Variants in NIPBL observed in about 807,000 individuals in gnomAD.
The protein encoded by NIPBL is nipped-B-like protein.
Under a neutral mutation model 321.8 loss-of-function variants are expected in NIPBL, and 19 were observed. The ratio of observed to expected loss-of-function variants is 0.06; its 90% CI spans 0.04 to 0.09. The LOEUF is 0.09. Ranked by LOEUF, NIPBL falls within the 10% of genes least tolerant of loss-of-function variation. The probability of loss-of-function intolerance (pLI) is 1.00; values close to 1 mark genes in which losing one functional copy is unlikely to be tolerated. For missense variants in NIPBL, 2,210 were observed against 3,327.0 expected, an observed-to-expected ratio of 0.66 and a Z score of 8.26; for synonymous variants, 1,106 against 1,114.1, an observed-to-expected ratio of 0.99 and a Z score of 0.14.
intron 6 of NIPBL, among the ~76,000 whole-genome samples, chr5:36,966,267 G>A (rs2149612854): frequency 6.6e-6 from 1 of 151,868 alleles, no homozygotes; most frequent in Non-Finnish European, 1.5e-5. Context: ...ACTAATTTTT[G>A]GTTTTTGAAG....
intron 10 of NIPBL, among the ~76,000 whole-genome samples, chr5:36,988,692 TTGA>T (rs1190570221): frequency 6.6e-6 from 1 of 152,092 alleles, no homozygotes; most frequent in African/African-American, 2.4e-5. Context: ...TTTTGATGTG[TTGA>T]TGATTTTCTG....
chr5:36,941,796 A>T (rs544966656), intron 1 of NIPBL, among the ~76,000 whole-genome samples: 1 of 152,272 alleles, frequency 6.6e-6, no homozygotes, highest in South Asian at 2.1e-4. Context: ...TTCTAATGAA[A>T]AATTGATATT....
intron 6 of NIPBL, among the ~76,000 whole-genome samples, chr5:36,969,122 G>T (rs1318107657): frequency 1.3e-5 from 2 of 152,130 alleles, no homozygotes; most frequent in African/African-American, 4.8e-5. Flanking sequence ...AAAGACTTTT[G>T]TGGAGCAAAT....
chr5:36,925,191 A>G (rs984913506), intron 1 of NIPBL, among the ~76,000 whole-genome samples: 1 of 152,116 alleles, frequency 6.6e-6, no homozygotes, highest in East Asian at 1.9e-4. Flanking sequence ...AATACTTTAA[A>G]ACACTCTTTT....
At chr5:36,962,041 G>A (rs1741685103) in intron 5 of NIPBL, 82 bp from the exon 6 acceptor site, 1 of 1,473,090 alleles carries the variant, frequency 6.8e-7, no homozygotes, top group East Asian at 2.3e-5. Flanking sequence ...AGAGATCAGA[G>A]GACTTTGTGA....
chr5:36,940,571 C>T (rs750693633), intron 1 of NIPBL, among the ~76,000 whole-genome samples: 6 of 152,144 alleles, frequency 3.9e-5, no homozygotes, highest in Non-Finnish European at 7.4e-5. Flanking sequence ...TATGAGATTT[C>T]CTTAATGAGA....
intron 1 of NIPBL, among the ~76,000 whole-genome samples, chr5:36,898,370 G>C (rs536577368): frequency 1.3e-5 from 2 of 152,114 alleles, no homozygotes; most frequent in East Asian, 3.9e-4. Flanking sequence ...TCTTATTCAT[G>C]GTCATATTTA....
chr5:36,921,892 G>GT (rs57962323), intron 1 of NIPBL, among the ~76,000 whole-genome samples: 25,259 of 141,788 alleles, frequency 0.18, 2,535 homozygotes, highest in African/African-American at 0.28. Flanking sequence ...GGTTTTTTTT[G>GT]TTTTTTTTTT....
At chr5:37,041,363 A>G (rs1752346873) in intron 34 of NIPBL, among the ~76,000 whole-genome samples, 1 of 142,240 alleles carries the variant, frequency 7.0e-6, no homozygotes, top group Admixed American at 7.7e-5. Flanking sequence ...TCCTGGCTTC[A>G]AGCGATTCTC....
At chr5:36,895,473 G>A (rs1174066816) in intron 1 of NIPBL, among the ~76,000 whole-genome samples, 4 of 152,172 alleles carry the variant, frequency 2.6e-5, no homozygotes, top group Non-Finnish European at 5.9e-5. Flanking sequence ...CTTCTCCTGA[G>A]TAGGTACAAA....
rs886060559 is a variant in NIPBL at position 37,057,284 on chromosome 5, C to T, written c.7362C>T (p.Asp2454=). 6.2e-6 allele frequency: 10 copies of T among 1,613,600 alleles called. No individual in the cohort carries two copies. Among genetic ancestry groups the T allele is most frequent in the African/African-American group, 1.3e-5 (1 of 74,930 alleles). ...EEPLFIMHHI[D]ITLSVSGSNL... ...CGTTGTTTATAATGCATCATATAGA[C>T]ATTACACTCTCAGTTTCTGGTAGTA... The change falls in exon 43 of 47, where the codon GAC becomes GAT. Residue 2454 remains aspartate, a synonymous_variant. Coordinates refer to ENST00000282516, the MANE Select transcript of NIPBL (RefSeq NM_133433.4).
At chr5:36,979,088 TA>T (rs1307935856) in intron 9 of NIPBL, among the ~76,000 whole-genome samples, 5 of 152,000 alleles carry the variant, frequency 3.3e-5, no homozygotes, top group Non-Finnish European at 5.9e-5. Flanking sequence ...GTTGGTTTTA[TA>T]TAAATTTTAG....
At chr5:36,891,105 A>G (rs1261960670) in intron 1 of NIPBL, among the ~76,000 whole-genome samples, 1 of 152,096 alleles carries the variant, frequency 6.6e-6, no homozygotes, top group Admixed American at 6.5e-5. Flanking sequence ...CTCTACTAAA[A>G]ATACAAAAAA....
chr5:37,014,220 T>TGGAGAGGGAGAG (rs1325351078), intron 21 of NIPBL, among the ~76,000 whole-genome samples: 1 of 149,124 alleles, frequency 6.7e-6, no homozygotes, highest in Non-Finnish European at 1.5e-5. Flanking sequence ...AGGGAGACCG[T>TGGAGAGGGAGAG]GGAGAGGGAG....
At chr5:37,023,513 ACTT>A (rs1403192683) in intron 29 of NIPBL, among the ~76,000 whole-genome samples, 6 of 152,146 alleles carry the variant, frequency 3.9e-5, no homozygotes, top group African/African-American at 1.4e-4. Flanking sequence ...AACATTTTTT[ACTT>A]CTTTTCTTGT....
chr5:36,903,272 C>G (rs1266731892), intron 1 of NIPBL, among the ~76,000 whole-genome samples: 1 of 151,986 alleles, frequency 6.6e-6, no homozygotes, highest in Non-Finnish European at 1.5e-5. Context: ...TTTCTCTTGC[C>G]TGATTGCTCT....
At chr5:36,930,174 A>G (rs542257533) in intron 1 of NIPBL, among the ~76,000 whole-genome samples, 9 of 152,228 alleles carry the variant, frequency 5.9e-5, no homozygotes, top group Admixed American at 2.0e-4. Context: ...GAGAATTACC[A>G]TATTAACAAT....
intron 1 of NIPBL, among the ~76,000 whole-genome samples, chr5:36,951,633 C>A (rs1740303856): frequency 1.3e-5 from 2 of 152,084 alleles, no homozygotes; most frequent in Non-Finnish European, 2.9e-5. Context: ...ACTAACTATG[C>A]AGTGTTGCAT....
At chr5:37,060,812 T>C (rs981329959) in intron 44 of NIPBL, 32 bp from the exon 45 acceptor site, 4 of 1,594,340 alleles carry the variant, frequency 2.5e-6, no homozygotes, top group Admixed American at 1.7e-5. Flanking sequence ...TTCCATAGTT[T>C]TAAAGTTTTT....
Sources: allele counts gnomAD v4.1 joint callset (sites outside exome capture counted in the v4.1 genomes callset), GRCh38; gene constraint gnomAD v4.1.1; transcripts MANE v1.5; gene names NCBI Gene and HGNC (gene_info 2026-07-23, HGNC 2026-07-21).